Variants in DHRS9 observed in about 807,000 individuals in gnomAD.
DHRS9 encodes dehydrogenase/reductase SDR family member 9.
In DHRS9, 18 loss-of-function variants were observed where a neutral mutation model predicts 26.6. The ratio of observed to expected loss-of-function variants is 0.68; its 90% CI spans 0.47 to 1.00. The LOEUF (loss-of-function observed/expected upper bound fraction) is 1.00. DHRS9 is among the 50% of genes least tolerant of loss of function. DHRS9 has a pLI of 0.00. For synonymous variants in DHRS9, 134 were observed against 141.1 expected (o/e 0.95, Z 0.36); for missense variants, 425 against 378.7 (o/e 1.12, Z -1.01).
intron 1 of DHRS9, among the ~76,000 whole-genome samples, chr2:169,079,987 A>AGAGAGAG (rs1684122613): frequency 2.3e-4 from 9 of 39,084 alleles, no homozygotes; most frequent in East Asian, 1.2e-3. Context: ...GAGAGAGAGA[A>AGAGAGAG]AGAAAGAAAG....
At chr2:169,088,964 G>A (rs1334528924) in intron 3 of DHRS9, among the ~76,000 whole-genome samples, 1 of 152,168 alleles carries the variant, frequency 6.6e-6, no homozygotes, top group Non-Finnish European at 1.5e-5. Flanking sequence ...TCATTCCGTG[G>A]GAGAGACTGG....
chr2:169,080,813 G>A (rs985699991), intron 1 of DHRS9, among the ~76,000 whole-genome samples: 5 of 152,084 alleles, frequency 3.3e-5, no homozygotes, highest in African/African-American at 1.2e-4. Flanking sequence ...GGGGATGTGG[G>A]AGTCTGGTTT....
At chr2:169,082,216 A>G (rs1370283630) in intron 2 of DHRS9, among the ~76,000 whole-genome samples, 1 of 152,190 alleles carries the variant, frequency 6.6e-6, no homozygotes, top group Non-Finnish European at 1.5e-5. Context: ...AAAGGAATTT[A>G]GACTAAAATG....
intron 1 of DHRS9, chr2:169,070,042 A>C (rs1466778738): frequency 5.3e-6 from 5 of 945,554 alleles, no homozygotes; most frequent in Non-Finnish European, 6.3e-6. Context: ...CTTATGATTA[A>C]TTGGAAACTG....
chr2:169,093,664 G>A (rs925469677), intron 4 of DHRS9, among the ~76,000 whole-genome samples: 12 of 152,168 alleles, frequency 7.9e-5, no homozygotes, highest in African/African-American at 2.2e-4. Context: ...CCTGGTTCAT[G>A]TGTTCTGTCT....
chr2:169,083,592 A>G lies in DHRS9; in HGVS notation c.572+5A>G. The stretch of plus-strand genomic sequence containing the variant: ...AGGTTTCAATGACAGCTTAAGGTAA[A>G]TCAAATTAATCAACTTATTAGGAAA... On this transcript the variant is annotated splice_donor_5th_base_variant and intron_variant, in intron 3 of 4. Coordinates refer to ENST00000674881, the MANE Select transcript of DHRS9 (RefSeq NM_001376924.1). The G allele has an allele frequency of 1.9e-6, 3 of 1,612,032 alleles. No individual in the cohort carries two copies. The highest frequency in any genetic ancestry group is 2.5e-6 in the Non-Finnish European group (3 of 1,178,474).
intron 3 of DHRS9, among the ~76,000 whole-genome samples, chr2:169,090,782 A>C (rs544276833): frequency 1.3e-5 from 2 of 152,326 alleles, no homozygotes; most frequent in East Asian, 3.9e-4. Context: ...CAATGGTGTG[A>C]AAGTGAGATG....
At chr2:169,067,315 T>C, upstream of DHRS9, 2 of 1,530,430 alleles carry the variant, frequency 1.3e-6, no homozygotes, top group Non-Finnish European at 1.7e-6. Context: ...GATCTGTGAC[T>C]TAGACCATCC....
At chr2:169,083,054 T>C (rs1050128766) in intron 2 of DHRS9, among the ~76,000 whole-genome samples, 1 of 152,226 alleles carries the variant, frequency 6.6e-6, no homozygotes, top group Non-Finnish European at 1.5e-5. Context: ...CAATTTACTC[T>C]ACATCTGAGA....
chr2:169,089,886 A>C (rs1481244287), intron 3 of DHRS9, among the ~76,000 whole-genome samples: 1 of 152,132 alleles, frequency 6.6e-6, no homozygotes, highest in Non-Finnish European at 1.5e-5. Flanking sequence ...CAGGGATCAC[A>C]CTTTGAGTAG....
chr2:169,090,795 T>C (rs1021953978), intron 3 of DHRS9, among the ~76,000 whole-genome samples: 3 of 152,308 alleles, frequency 2.0e-5, no homozygotes, highest in Admixed American at 6.5e-5. Flanking sequence ...GTGAGATGCA[T>C]GCATTACAAA....
At chr2:169,085,684 G>T (rs1684328706) in intron 3 of DHRS9, among the ~76,000 whole-genome samples, 1 of 152,022 alleles carries the variant, frequency 6.6e-6, no homozygotes, top group African/African-American at 2.4e-5. Context: ...TTTTTGGATT[G>T]TTTGCTGTTA....
chr2:169,067,467 A>G (rs1201426712), upstream of DHRS9, among the ~76,000 whole-genome samples: 1 of 152,206 alleles, frequency 6.6e-6, no homozygotes, highest in African/African-American at 2.4e-5. Context: ...ACAGATTCAG[A>G]AGAAAAAGGA....
At chr2:169,071,978 G>A (rs1444185190) in intron 1 of DHRS9, among the ~76,000 whole-genome samples, 1 of 145,322 alleles carries the variant, frequency 6.9e-6, no homozygotes, top group Non-Finnish European at 1.5e-5. Context: ...TTTTTTTTAA[G>A]TGTGGAAGAA....
At chr2:169,086,618 T>A (rs1684360197) in intron 3 of DHRS9, among the ~76,000 whole-genome samples, 1 of 152,184 alleles carries the variant, frequency 6.6e-6, no homozygotes, top group East Asian at 1.9e-4. Flanking sequence ...GGCTTGTTTG[T>A]ACTCATCCTT....
intron 4 of DHRS9, among the ~76,000 whole-genome samples, chr2:169,093,949 TGG>T (rs1291954028): frequency 6.6e-6 from 1 of 152,202 alleles, no homozygotes; most frequent in African/African-American, 2.4e-5. Context: ...AGCTCAGGTA[TGG>T]TTTAAAAGTA....
intron 3 of DHRS9, among the ~76,000 whole-genome samples, chr2:169,088,009 A>T (rs1185080260): frequency 6.6e-6 from 1 of 152,108 alleles, no homozygotes; most frequent in Non-Finnish European, 1.5e-5. Flanking sequence ...GCATCTTACT[A>T]GGTTGCTTGC....
intron 1 of DHRS9, among the ~76,000 whole-genome samples, chr2:169,073,433 G>A (rs1484228038): frequency 6.6e-6 from 1 of 152,226 alleles, no homozygotes; most frequent in Non-Finnish European, 1.5e-5. Flanking sequence ...AACCATAGCA[G>A]TTATTATCAT....
rs557072373 is a variant in DHRS9 at position 169,081,887 on chromosome 2, G to A, written c.306G>A (p.Gly102=). The change falls in exon 2 of 5, where the codon GGG becomes GGA. Residue 102 remains glycine, a synonymous_variant. Coordinates refer to ENST00000674881, the MANE Select transcript of DHRS9 (RefSeq NM_001376924.1). ...CCCAGTGGGTGAAGAACCAAGTTGGGGAGAAAGGTGAGAGACATGGAAGTG... is the reference window on the plus strand; with the variant it reads ...CCCAGTGGGTGAAGAACCAAGTTGGAGAGAAAGGTGAGAGACATGGAAGTG... The part of the protein sequence containing the change: ...RTAQWVKNQV[G]EKGLWGLINN... 2.5e-6 allele frequency: 4 copies of A among 1,603,020 alleles called. No individual in the cohort carries two copies. In the East Asian group the frequency reaches 8.9e-5, roughly 36 times the overall value.
Sources: allele counts gnomAD v4.1 joint callset (sites outside exome capture counted in the v4.1 genomes callset), GRCh38; gene constraint gnomAD v4.1.1; transcripts MANE v1.5; gene names NCBI Gene and HGNC (gene_info 2026-07-23, HGNC 2026-07-21).